PGM2L1: variants seen among roughly 807,000 people sequenced by gnomAD.
PGM2L1 encodes glucose 1,6-bisphosphate synthase.
In PGM2L1, 35 loss-of-function variants were observed where a neutral mutation model predicts 73.4. The observed-to-expected ratio is 0.48, with a 90% CI of 0.36 to 0.63. The LOEUF is 0.63. PGM2L1 is among the 30% of genes least tolerant of loss of function. The probability of loss-of-function intolerance (pLI) is 0.00; values close to 1 mark genes in which losing one functional copy is unlikely to be tolerated. For missense variants in PGM2L1, 570 were observed against 742.0 expected (o/e 0.77, Z 2.69); for synonymous variants, 225 against 253.8 (o/e 0.89, Z 1.08).
At chr11:74,371,603 TTCTA>T (rs1862754687) in intron 3 of PGM2L1, 104 bp downstream of exon 3, 1 of 800,120 alleles carries the variant, frequency 1.2e-6, no homozygotes, top group Non-Finnish European at 2.0e-6. Flanking sequence ...GTGATCACAT[TTCTA>T]TCTGACAGTC....
intron 5 of PGM2L1, among the ~76,000 whole-genome samples, chr11:74,353,335 A>AAT (rs1862387617): frequency 6.8e-6 from 1 of 147,994 alleles, no homozygotes; most frequent in African/African-American, 2.5e-5. Flanking sequence ...TTAAATGTAA[A>AAT]TTTTTTTTTT....
At chr11:74,342,735 T>C (rs1862202225) in intron 11 of PGM2L1, 85 bp from the exon 12 acceptor site, 2 of 1,373,930 alleles carry the variant, frequency 1.5e-6, no homozygotes, top group African/African-American at 2.9e-5. Context: ...CCTACTATGG[T>C]ATTTTATACA....
intron 6 of PGM2L1, among the ~76,000 whole-genome samples, chr11:74,349,819 C>CAT (rs1259519970): frequency 6.6e-6 from 1 of 152,034 alleles, no homozygotes; most frequent in Admixed American, 6.6e-5. Context: ...TTTGTTTTAT[C>CAT]ATATATATGT....
intron 5 of PGM2L1, chr11:74,355,306 C>A (rs945282330): frequency 4.9e-6 from 4 of 814,352 alleles, no homozygotes; most frequent in Non-Finnish European, 8.5e-6. Flanking sequence ...GTAATCCCAG[C>A]ACTTTGGGAG....
rs911354908 is a variant in PGM2L1, at chr11:74,336,275, CT to C, written c.*376del. ...CTACAATTATATAACATTTACCTGT[CT>C]TTTTTTTTTTCTTTTACCATGCTAT... On this transcript the variant is annotated 3_prime_UTR_variant, in exon 14 of 14. Coordinates refer to ENST00000298198, the MANE Select transcript of PGM2L1 (RefSeq NM_173582.6). 6.4e-4 allele frequency: 95 copies of C among 148,352 alleles called. No individual in the cohort carries two copies. Among genetic ancestry groups the C allele is most frequent in the East Asian group, 9.7e-4 (5 of 5,142 alleles). 9.2% of individuals were successfully genotyped at this position (148,352 alleles called of 1,614,324 possible).
chr11:74,350,893 AAGAAAGAG>A (rs1490527314), intron 6 of PGM2L1, among the ~76,000 whole-genome samples: 1 of 110,890 alleles, frequency 9.0e-6, no homozygotes, highest in Non-Finnish European at 2.1e-5. Flanking sequence ...AAAGGAAAGA[AAGAAAGAG>A]AGAGAGAGAG....
chr11:74,372,178 C>T (rs1862774551), intron 2 of PGM2L1, among the ~76,000 whole-genome samples: 1 of 151,110 alleles, frequency 6.6e-6, no homozygotes, highest in African/African-American at 2.4e-5. Context: ...TGTTTCTTGT[C>T]TGAAGGCTCT....
intron 5 of PGM2L1, among the ~76,000 whole-genome samples, chr11:74,353,307 T>C (rs530252499): frequency 3.3e-5 from 5 of 152,206 alleles, no homozygotes; most frequent in African/African-American, 1.2e-4. Context: ...TTTCGACTGA[T>C]CTTTTCTCTC....
At chr11:74,357,415 G>A (rs1862475891) in intron 5 of PGM2L1, among the ~76,000 whole-genome samples, 2 of 152,178 alleles carry the variant, frequency 1.3e-5, no homozygotes, top group Admixed American at 6.5e-5. Flanking sequence ...GTAAAGAAGT[G>A]TATGAAAAGA....
intron 1 of PGM2L1, among the ~76,000 whole-genome samples, chr11:74,396,604 C>CG (rs1282873540): frequency 6.6e-6 from 1 of 152,042 alleles, no homozygotes; most frequent in African/African-American, 2.4e-5. Context: ...TTAGTAGAGA[C>CG]GGGGTTTCAC....
chr11:74,344,182 C>A (rs1862228608), intron 9 of PGM2L1, among the ~76,000 whole-genome samples: 1 of 152,036 alleles, frequency 6.6e-6, no homozygotes, highest in Non-Finnish European at 1.5e-5. Flanking sequence ...AGTCAAGATT[C>A]AATTTCAAGT....
Position 74,362,308 on chromosome 11 carries a change from G to A in PGM2L1, c.555+6184C>T, listed in dbSNP as rs114930878. ...TATCCAGACAAACTGAGCTTCATAAGTAAAGAATAAAATCCTTTACAGACA... is the reference window on the plus strand; with the variant it reads ...TATCCAGACAAACTGAGCTTCATAAATAAAGAATAAAATCCTTTACAGACA... On this transcript the variant is annotated intron_variant, in intron 5 of 13. Coordinates refer to ENST00000298198, the MANE Select transcript of PGM2L1 (RefSeq NM_173582.6). Among the ~76,000 whole-genome samples the A allele has an allele frequency of 1.4e-3, 210 of 151,970 alleles. 1 individual carries two copies. The highest frequency in any genetic ancestry group is 4.9e-3 in the African/African-American group (204 of 41,480).
At chr11:74,366,546 T>A (rs906396101) in intron 5 of PGM2L1, among the ~76,000 whole-genome samples, 2 of 151,126 alleles carry the variant, frequency 1.3e-5, no homozygotes, top group East Asian at 1.9e-4. Flanking sequence ...CCATTTTAGA[T>A]AAGGTAGCCA....
rs1591182592 is a variant in PGM2L1, at chr11:74,368,636, G to A, written c.472-61C>T. The A allele has an allele frequency of 3.7e-6, 5 of 1,347,838 alleles. No individual in the cohort carries two copies. The Admixed American group carries it at 6.9e-5, about 19-fold the overall frequency. 83.5% of individuals were successfully genotyped at this position (1,347,838 alleles called of 1,614,324 possible). On this transcript the variant is annotated intron_variant, in intron 4 of 13. Transcript: ENST00000298198. The stretch of plus-strand genomic sequence containing the variant: ...TCCTAGCTATTTACACATTTGACAT[G>A]AGAATAATTTTGATTAAATAACAGG...
intron 1 of PGM2L1, among the ~76,000 whole-genome samples, chr11:74,377,236 A>G (rs945947014): frequency 2.0e-5 from 3 of 151,044 alleles, no homozygotes; most frequent in South Asian, 2.1e-4. Flanking sequence ...CCGGGTTCAC[A>G]CCATTCTCCT....
intron 6 of PGM2L1, among the ~76,000 whole-genome samples, chr11:74,350,841 C>T (rs905804077): frequency 1.3e-5 from 2 of 151,824 alleles, no homozygotes; most frequent in South Asian, 2.1e-4. Flanking sequence ...CGTGCCACTG[C>T]ACTTCAGCCT....
At chr11:74,396,537 C>T (rs2134961505) in intron 1 of PGM2L1, among the ~76,000 whole-genome samples, 1 of 152,284 alleles carries the variant, frequency 6.6e-6, no homozygotes, top group Middle Eastern at 3.4e-3. Context: ...GCCTCAGCCT[C>T]CCGAATAGCT....
At chr11:74,369,126 A>AGTGTT (rs1340189113) in intron 4 of PGM2L1, among the ~76,000 whole-genome samples, 111 of 152,324 alleles carry the variant, frequency 7.3e-4, no homozygotes, top group Middle Eastern at 6.8e-3. Context: ...CTACATTTAT[A>AGTGTT]ACACAGCCAC....
Position 74,368,528 on chromosome 11 carries a change from AG to A in PGM2L1, c.518del (p.Thr173MetfsTer31). The A allele has an allele frequency of 2.5e-6, 4 of 1,613,928 alleles. No homozygotes were observed. The highest frequency in any genetic ancestry group is 3.4e-6 in the Non-Finnish European group (4 of 1,179,826). On this transcript the variant is annotated frameshift_variant, in exon 5 of 14. Transcript: ENST00000298198. LOFTEE classifies it high-confidence loss of function. The part of the protein sequence containing the change: ...KLKAVAGVMI[T>X]ASHNRKEDNG... ...TGTCTTCCTTGCGGTTGTGAGAGGCAGTAATCATCACACCTGCAACTGCTTT... is the reference window on the plus strand; with the variant it reads ...TGTCTTCCTTGCGGTTGTGAGAGGCATAATCATCACACCTGCAACTGCTTT...
Sources: gnomAD v4.1 joint callset for allele counts (sites outside exome capture counted in the v4.1 genomes callset) on GRCh38, gnomAD v4.1.1 for gene constraint, MANE v1.5 for transcripts, NCBI Gene and HGNC (gene_info 2026-07-23, HGNC 2026-07-21) for gene names.